Variants in P3H2 observed in about 807,000 individuals in gnomAD.
P3H2 encodes prolyl 3-hydroxylase 2, also known as leprecan-like 1.
A neutral mutation model predicts 87.0 loss-of-function variants in P3H2; 80 were observed. That is an observed-to-expected ratio of 0.92 (90% CI 0.77 to 1.11). The LOEUF (loss-of-function observed/expected upper bound fraction) is 1.11. Among genes scored for constraint, P3H2 ranks in the 50% least tolerant of loss-of-function variants. The pLI, the probability that P3H2 is intolerant of heterozygous loss-of-function variation, is 0.00. For synonymous variants in P3H2, 367 were observed against 359.3 expected (o/e 1.02, Z -0.24); for missense variants, 1,001 against 923.9 (o/e 1.08, Z -1.08).
At chr3:189,990,845 TAAAG>T (rs1723855325) in intron 3 of P3H2, among the ~76,000 whole-genome samples, 1 of 152,212 alleles carries the variant, frequency 6.6e-6, no homozygotes, top group South Asian at 2.1e-4. Context: ...TCTTAAAAAT[TAAAG>T]AACCTGAGTT....
chr3:190,016,554 A>G (rs373911789), intron 1 of P3H2, among the ~76,000 whole-genome samples: 4 of 152,220 alleles, frequency 2.6e-5, no homozygotes, highest in East Asian at 3.9e-4. Flanking sequence ...TGCTTATTTT[A>G]TTTTTTAATC....
In P3H2 at chr3:189,957,756, T is replaced by C. The variant is rs566400665; in HGVS notation, c.*156A>G. On this transcript the variant is annotated 3_prime_UTR_variant, in exon 15 of 15. Transcript: ENST00000319332. ...ACCCAAAACAAGAAAGATAGATTGA[T>C]AGATTGAGGCAACACAAGCATCCTT... The C allele has an allele frequency of 6.1e-5, 39 of 639,210 alleles. No individual in the cohort carries two copies. The highest frequency in any genetic ancestry group is 6.0e-4 in the African/African-American group (33 of 54,634). 39.6% of individuals were successfully genotyped at this position (639,210 alleles called of 1,614,324 possible).
At chr3:189,966,112 AGAAAGAAAGAAAAAGAAAGAAAGAAAG>A (rs1722980400) in intron 13 of P3H2, among the ~76,000 whole-genome samples, 3 of 112,360 alleles carry the variant, frequency 2.7e-5, no homozygotes, top group Non-Finnish European at 5.2e-5. Flanking sequence ...GAAAAAAGAA[AGAAAGAAAGAAAAAGAAAGAAAGAAAG>A]AAAGAAAGAA....
intron 6 of P3H2, among the ~76,000 whole-genome samples, chr3:189,985,809 T>A (rs903444139): frequency 2.0e-5 from 3 of 152,054 alleles, no homozygotes; most frequent in Non-Finnish European, 4.4e-5. Context: ...ATTCAAATGT[T>A]CAGCAGAAGA....
At chr3:189,962,444 G>A (rs1246703014) in intron 14 of P3H2, among the ~76,000 whole-genome samples, 1 of 152,084 alleles carries the variant, frequency 6.6e-6, no homozygotes, top group Non-Finnish European at 1.5e-5. Context: ...AAAAGTGCAG[G>A]GATTATAGGC....
In P3H2 at chr3:189,983,145, C is replaced by CTTTA. The variant is rs772068410; in HGVS notation, c.1230-6_1230-5insTAAA. 6.2e-7 allele frequency: 1 copy of CTTTA among 1,611,676 alleles called. No homozygotes were observed. The highest frequency in any genetic ancestry group is 1.3e-5 in the African/African-American group (1 of 74,828). On this transcript the variant is annotated splice_polypyrimidine_tract_variant and splice_region_variant and intron_variant, in intron 7 of 14. Transcript: ENST00000319332. The stretch of plus-strand genomic sequence containing the variant: ...ACGTTCACTCCTGAAGGGACCCTGC[C>CTTTA]CATTCAAAAAATTTAAAATGGCAAT...
At chr3:189,960,206 G>T (rs968915531) in intron 14 of P3H2, among the ~76,000 whole-genome samples, 2 of 152,082 alleles carry the variant, frequency 1.3e-5, no homozygotes, top group African/African-American at 2.4e-5. Context: ...GTTTGGCGAG[G>T]CCTCACAATT....
intron 1 of P3H2, among the ~76,000 whole-genome samples, chr3:190,019,302 T>A (rs779175029): frequency 6.6e-6 from 1 of 152,180 alleles, no homozygotes; most frequent in East Asian, 1.9e-4. Flanking sequence ...CCACTTCTTA[T>A]GCCAAAAAAT....
intron 1 of P3H2, among the ~76,000 whole-genome samples, chr3:190,044,918 G>A (rs564988301): frequency 8.5e-5 from 13 of 152,270 alleles, no homozygotes; most frequent in African/African-American, 2.9e-4. Flanking sequence ...GATTAATATA[G>A]ATACAACTTC....
intron 1 of P3H2, among the ~76,000 whole-genome samples, chr3:190,072,207 A>G (rs1440330467): frequency 6.6e-6 from 1 of 152,062 alleles, no homozygotes; most frequent in Non-Finnish European, 1.5e-5. Flanking sequence ...TTGAATTTTT[A>G]GTAGAGACGG....
At chr3:190,034,245 C>G (rs1167985665) in intron 1 of P3H2, among the ~76,000 whole-genome samples, 2 of 152,004 alleles carry the variant, frequency 1.3e-5, no homozygotes, top group Non-Finnish European at 2.9e-5. Flanking sequence ...TAAACTCTGT[C>G]AAAAGTCAGG....
intron 8 of P3H2, 89 bp from the exon 9 acceptor site, chr3:189,974,774 G>A (rs1376455504): frequency 1.7e-5 from 25 of 1,500,250 alleles, no homozygotes; most frequent in African/African-American, 6.9e-5. Context: ...TGTGCAATTC[G>A]AGTGAGTCCA....
At position 189,973,090 on chromosome 3, in the gene P3H2, C is replaced by G. The variant is rs1389080316; in HGVS notation, c.1549-66G>C. 3.4e-6 allele frequency: 5 copies of G among 1,455,936 alleles called. No individual in the cohort carries two copies. In the African/African-American group the frequency reaches 7.1e-5, roughly 21 times the overall value. 90.2% of individuals were successfully genotyped at this position (1,455,936 alleles called of 1,614,324 possible). On this transcript the variant is annotated intron_variant, in intron 10 of 14. Coordinates refer to ENST00000319332, the MANE Select transcript of P3H2 (RefSeq NM_018192.4). The stretch of plus-strand genomic sequence containing the variant: ...TTGGAGGTCGTAAGAAAAACAGGCA[C>G]TAGCTTGCATTGAGCCAATATAGGA...
chr3:189,962,814 C>T (rs909663509), intron 14 of P3H2, among the ~76,000 whole-genome samples: 10 of 152,136 alleles, frequency 6.6e-5, no homozygotes, highest in African/African-American at 2.4e-4. Flanking sequence ...GAGAAAAACG[C>T]ATTATTTTTA....
At chr3:190,010,374 C>A (rs2108933949) in intron 1 of P3H2, among the ~76,000 whole-genome samples, 1 of 152,178 alleles carries the variant, frequency 6.6e-6, no homozygotes. Flanking sequence ...GTACTAACAA[C>A]TAGTATTTTA....
In P3H2 at chr3:189,957,957, C is replaced by T; in HGVS notation, c.2082G>A (p.Gln694=). The change falls in exon 15 of 15, where the codon CAG becomes CAA. Residue 694 remains glutamine (Q), a synonymous_variant. Coordinates refer to ENST00000319332, the MANE Select transcript of P3H2 (RefSeq NM_018192.4). ...TGATATTCAGTTCATGCTTCCCTTG[C>T]TGTTCTTGATCCAGAATTGCAATCA... ...DEVIAILDQE[Q]QGKHELNINP... is the part of the protein sequence containing the mutation. 1.2e-6 allele frequency: 2 copies of T among 1,613,744 alleles called. No homozygotes were observed. Among genetic ancestry groups the T allele is most frequent in the Middle Eastern group, 1.6e-4 (1 of 6,062 alleles).
chr3:190,062,751 A>G (rs893529627), intron 1 of P3H2, among the ~76,000 whole-genome samples: 2 of 152,162 alleles, frequency 1.3e-5, no homozygotes, highest in Non-Finnish European at 2.9e-5. Flanking sequence ...AATGGAATTA[A>G]TAATAGTATC....
At chr3:190,014,262 A>G (rs1165502151) in intron 1 of P3H2, among the ~76,000 whole-genome samples, 1 of 152,240 alleles carries the variant, frequency 6.6e-6, no homozygotes, top group Non-Finnish European at 1.5e-5. Context: ...ATTTCTTGTC[A>G]TTGATATTTC....
Position 190,016,808 on chromosome 3 carries a change from G to A in P3H2, c.481-21366C>T, listed in dbSNP as rs144656035. 5.4e-3 allele frequency among the ~76,000 whole-genome samples: 817 copies of A among 152,174 alleles called. 6 individuals carry two copies. The highest frequency in any genetic ancestry group is 0.019 in the African/African-American group (786 of 41,510). On this transcript the variant is annotated intron_variant, in intron 1 of 14. Transcript: ENST00000319332. ...TTGTCCCATGACCCCCTTCTTGCAC[G>A]CATTCAGCAACAGGACATTCACTAC...
Sources: allele counts gnomAD v4.1 joint callset (sites outside exome capture counted in the v4.1 genomes callset), GRCh38; gene constraint gnomAD v4.1.1; transcripts MANE v1.5; gene names NCBI Gene and HGNC (gene_info 2026-07-23, HGNC 2026-07-21).